The following SMYD4 variants were observed in gnomAD, a reference collection of about 807,000 sequenced individuals.
SMYD4 encodes the protein protein-lysine N-methyltransferase SMYD4.
Under a neutral mutation model 72.8 loss-of-function variants are expected in SMYD4, and 68 were observed. The ratio of observed to expected loss-of-function variants is 0.93; its 90% CI spans 0.77 to 1.14. The LOEUF (loss-of-function observed/expected upper bound fraction) is 1.14, where lower values mean the gene tolerates loss of function less well. Among genes scored for constraint, SMYD4 ranks in the 50% most tolerant of loss-of-function variants. SMYD4 has a pLI of 0.00. For missense variants in SMYD4, 984 were observed against 1,003.7 expected, an observed-to-expected ratio of 0.98 and a Z score of 0.27; for synonymous variants, 407 against 388.6, an observed-to-expected ratio of 1.05 and a Z score of -0.56.
intron 2 of SMYD4, among the ~76,000 whole-genome samples, chr17:1,826,219 G>A (rs1312562430): frequency 5.9e-5 from 9 of 152,112 alleles, no homozygotes; most frequent in South Asian, 2.1e-4. Flanking sequence ...GGGGCCGGGC[G>A]CAGTGGCTCA....
At chr17:1,816,269 A>C (rs1396215150) in intron 2 of SMYD4, among the ~76,000 whole-genome samples, 1 of 152,146 alleles carries the variant, frequency 6.6e-6, no homozygotes, top group Non-Finnish European at 1.5e-5. Context: ...TCACTTAGCA[A>C]AAAGTTTTCA....
Position 1,786,914 on chromosome 17 carries a change from A to T in SMYD4, c.1780T>A (p.Phe594Ile), listed in dbSNP as rs1157704936. The T allele has an allele frequency of 6.2e-7, 1 of 1,614,216 alleles. No homozygotes were observed. Among genetic ancestry groups the T allele is most frequent in the Non-Finnish European group, 8.5e-7 (1 of 1,180,040 alleles). The change falls in exon 7 of 11, where the codon TTC becomes ATC. Residue 594 changes from phenylalanine to isoleucine, a missense_variant. Physicochemically the swap from Phe to Ile is conservative, Grantham distance 21. Coordinates refer to ENST00000305513, the MANE Select transcript of SMYD4 (RefSeq NM_052928.3). The part of the protein sequence containing the change: ...ERQQKLRSQY[F>I]FDCACPACQT... ...CAAGCTGGACAGGCGCAGTCAAAGA[A>T]ATACTGAGACCTCAGCTTCTGCTGC...
chr17:1,804,522 A>G (rs745337001), intron 4 of SMYD4, 104 bp downstream of exon 4: 2 of 1,004,074 alleles, frequency 2.0e-6, no homozygotes, highest in Admixed American at 1.9e-5. Context: ...TAGCAGCATG[A>G]CATGATTTTA....
At chr17:1,802,299 C>T (rs992845180) in intron 4 of SMYD4, among the ~76,000 whole-genome samples, 16 of 151,912 alleles carry the variant, frequency 1.1e-4, no homozygotes, top group Non-Finnish European at 7.4e-5. Context: ...GAGACCAACC[C>T]GGACAACACA....
chr17:1,793,312 G>GT (rs1456182187), intron 5 of SMYD4, among the ~76,000 whole-genome samples: 3 of 151,430 alleles, frequency 2.0e-5, no homozygotes, highest in Non-Finnish European at 3.0e-5. Flanking sequence ...TGTTTATGAG[G>GT]TTTTTTTGGG....
intron 3 of SMYD4, among the ~76,000 whole-genome samples, chr17:1,806,146 C>T (rs951603775): frequency 1.2e-4 from 18 of 151,870 alleles, no homozygotes; most frequent in Non-Finnish European, 2.2e-4. Context: ...AGGATGGTCT[C>T]GATCTCGTGA....
chr17:1,807,209 A>G (rs1225466432), intron 3 of SMYD4, among the ~76,000 whole-genome samples: 1 of 151,216 alleles, frequency 6.6e-6, no homozygotes, highest in Non-Finnish European at 1.5e-5. Flanking sequence ...GTTTCTCATC[A>G]TAGACTTGTT....
chr17:1,829,863 G>A lies in SMYD4; in HGVS notation c.-150C>T, dbSNP rs536351568. The A allele has an allele frequency of 3.8e-4, 132 of 349,386 alleles. 2 individuals are homozygous for A. The East Asian group carries it at 6.3e-3, about 17-fold the overall frequency. The allele number at this position is 349,386 out of a possible 1,614,324, so 21.6% of individuals were successfully genotyped here. On this transcript the variant is annotated 5_prime_UTR_variant, in exon 1 of 11. It adds an upstream start codon to the 5' untranslated region. Transcript: ENST00000305513. ...GGCGCCCCGCTCCGCCCCGCACCGC[G>A]TCCGGCGTCCCGCGCCAGGCCTCGC...
chr17:1,798,778 T>C (rs1909541141), intron 5 of SMYD4, among the ~76,000 whole-genome samples: 1 of 151,940 alleles, frequency 6.6e-6, no homozygotes, highest in Non-Finnish European at 1.5e-5. Flanking sequence ...CGCATGCTTG[T>C]AATCTCAGCT....
At chr17:1,799,764 T>C (rs1314300189) in intron 5 of SMYD4, 93 bp downstream of exon 5, 11 of 1,247,806 alleles carry the variant, frequency 8.8e-6, no homozygotes, top group African/African-American at 7.5e-5. Flanking sequence ...AATGATTTGT[T>C]TGAATCCTAT....
At chr17:1,808,901 T>G (rs1910179935) in intron 3 of SMYD4, among the ~76,000 whole-genome samples, 1 of 152,206 alleles carries the variant, frequency 6.6e-6, no homozygotes, top group Non-Finnish European at 1.5e-5. Context: ...ATTACAACAC[T>G]ACAAAGCAGG....
rs9890631 is a variant in SMYD4 at position 1,800,272 on chromosome 17, A to C, written c.1122T>G (p.Ile374Met). The C allele has an allele frequency of 3.5e-3, 5,609 of 1,614,112 alleles. 166 individuals are homozygous for C. The African/African-American group carries it at 0.065, about 19-fold the overall frequency. ...RKIITKLCDKISNKDICLPES... is the reference protein window; with the variant it reads ...RKIITKLCDKMSNKDICLPES... ...CAGGTAAACAGATGTCCTTGTTACT[A>C]ATCTTATCACAAAGCTTCGTTATGA... Residue 374 changes from isoleucine to methionine, a missense_variant, in exon 5 of 11, where the codon ATT (isoleucine) becomes ATG (methionine). By Grantham distance (10) the Ile-to-Met change is conservative (BLOSUM62 1). Coordinates refer to ENST00000305513, the MANE Select transcript of SMYD4 (RefSeq NM_052928.3).
intron 10 of SMYD4, chr17:1,782,247 T>C (rs1230913168): frequency 6.6e-6 from 1 of 152,208 alleles, no homozygotes; most frequent in Non-Finnish European, 1.5e-5. Context: ...ATTGACACTG[T>C]TGCTGGCTCC....
At chr17:1,828,683 C>T (rs58300324) in intron 1 of SMYD4, among the ~76,000 whole-genome samples, 6,804 of 151,390 alleles carry the variant, frequency 0.045, 536 homozygotes, top group African/African-American at 0.16. Context: ...CTGCACCCTC[C>T]GCCTCCCAGG....
intron 8 of SMYD4, among the ~76,000 whole-genome samples, chr17:1,784,032 G>A (rs987102683): frequency 2.6e-5 from 4 of 152,226 alleles, no homozygotes; most frequent in African/African-American, 9.7e-5. Flanking sequence ...TTCTGGAACT[G>A]CACACAGCTC....
chr17:1,785,941 A>G (rs367871856), intron 7 of SMYD4, among the ~76,000 whole-genome samples: 12 of 152,210 alleles, frequency 7.9e-5, no homozygotes, highest in African/African-American at 2.4e-4. Flanking sequence ...CGAGGTGGAC[A>G]TCTGCTGTGT....
chr17:1,800,703 C>T lies in SMYD4; in HGVS notation c.691G>A (p.Ala231Thr), dbSNP rs147425963. ...ACGCATAAGCCGATGGATGATGAGG[C>T]ATTGGAAAGTTGTTCATTCTCCTCC... ...LREENEQLSN[A>T]SSSIGLCVDP... is the part of the protein sequence containing the mutation. Residue 231 changes from alanine to threonine, a missense_variant, in exon 5 of 11, where the codon GCC (alanine) becomes ACC (threonine). By Grantham distance (58) the Ala-to-Thr change is moderately conservative. Transcript: ENST00000305513. The T allele has an allele frequency of 3.7e-6, 6 of 1,614,100 alleles. No homozygotes were observed. The African/African-American group carries it at 5.3e-5, about 14-fold the overall frequency.
chr17:1,821,764 C>T (rs1039015342), intron 2 of SMYD4, among the ~76,000 whole-genome samples: 3 of 152,028 alleles, frequency 2.0e-5, no homozygotes, highest in Non-Finnish European at 2.9e-5. Flanking sequence ...AACCCCATCT[C>T]TACTAAATAT....
intron 3 of SMYD4, among the ~76,000 whole-genome samples, chr17:1,809,501 A>C (rs1428434941): frequency 6.7e-6 from 1 of 150,114 alleles, no homozygotes; most frequent in East Asian, 2.0e-4. Flanking sequence ...CAGCCTCCTG[A>C]GTAGCTGAGA....
Sources: gnomAD v4.1 joint callset for allele counts (sites outside exome capture counted in the v4.1 genomes callset) on GRCh38, gnomAD v4.1.1 for gene constraint, MANE v1.5 for transcripts, NCBI Gene and HGNC (gene_info 2026-07-23, HGNC 2026-07-21) for gene names.